Variants in HIBCH observed in about 807,000 individuals in gnomAD.
HIBCH encodes 3-hydroxyisobutyryl-CoA hydrolase, mitochondrial.
In HIBCH, 50 loss-of-function variants were observed where a neutral mutation model predicts 58.2. The ratio of observed to expected loss-of-function variants is 0.86; its 90% confidence interval spans 0.68 to 1.09. The LOEUF is 1.09. Ranked by LOEUF, HIBCH falls within the 50% of genes least tolerant of loss-of-function variation. The pLI, the probability that HIBCH is intolerant of heterozygous loss-of-function variation, is 0.00. For synonymous variants in HIBCH, 151 were observed against 146.9 expected (o/e 1.03, Z -0.20); for missense variants, 450 against 449.7 (o/e 1.00, Z -0.01).
rs920015119 is a variant in HIBCH at position 190,215,257 on chromosome 2, G to A, written c.892-2182C>T. On this transcript the variant is annotated intron_variant, in intron 11 of 13. Transcript: ENST00000359678. This position sits in a 1 kb window ranked among gnomAD's most constrained non-coding sequence, Gnocchi z 4.4. ...TTATAAGGGCAGCCATAACCATTTG[G>A]GAAAGACAGCGTCCTCCCAGGCAAG... 6.6e-6 allele frequency: 1 copy of A among 152,176 alleles called. No homozygotes were observed. The highest frequency in any genetic ancestry group is 1.5e-5 in the Non-Finnish European group (1 of 68,034). The allele number at this position is 152,176 out of a possible 1,614,324, so 9.4% of individuals were successfully genotyped here.
intron 11 of HIBCH, among the ~76,000 whole-genome samples, chr2:190,237,676 A>G (rs747299426): frequency 4.6e-5 from 7 of 152,062 alleles, no homozygotes; most frequent in Non-Finnish European, 1.0e-4. Flanking sequence ...ATTTATATAT[A>G]TATTTATATA....
intron 4 of HIBCH, among the ~76,000 whole-genome samples, chr2:190,291,949 AC>A (rs1687969017): frequency 1.3e-5 from 2 of 152,208 alleles, no homozygotes; most frequent in African/African-American, 4.8e-5. Context: ...AATGTTGTCT[AC>A]CAATTCTTAC....
chr2:190,275,928 T>C (rs1181052407), intron 6 of HIBCH, among the ~76,000 whole-genome samples: 1 of 152,202 alleles, frequency 6.6e-6, no homozygotes. Flanking sequence ...CCAAAACCAT[T>C]GCATCCAGAT....
At chr2:190,268,698 C>T (rs1687308602) in intron 6 of HIBCH, among the ~76,000 whole-genome samples, 1 of 152,212 alleles carries the variant, frequency 6.6e-6, no homozygotes, top group Admixed American at 6.5e-5. Context: ...GGAATCAGCA[C>T]TTGCTCCCAT....
At chr2:190,293,784 G>A (rs1000624399) in intron 4 of HIBCH, among the ~76,000 whole-genome samples, 1 of 151,458 alleles carries the variant, frequency 6.6e-6, no homozygotes, top group African/African-American at 2.4e-5. Context: ...GATACAAAAT[G>A]TAAAAAGTTT....
At chr2:190,293,067 C>T (rs1687996848) in intron 4 of HIBCH, among the ~76,000 whole-genome samples, 1 of 152,158 alleles carries the variant, frequency 6.6e-6, no homozygotes, top group South Asian at 2.1e-4. Context: ...TAAAATTAGG[C>T]CTATATGCAG....
intron 6 of HIBCH, among the ~76,000 whole-genome samples, chr2:190,275,674 C>T (rs1014837524): frequency 6.6e-6 from 1 of 152,098 alleles, no homozygotes; most frequent in Non-Finnish European, 1.5e-5. Flanking sequence ...TCAAAGATAT[C>T]AACAGTTTAC....
intron 11 of HIBCH, among the ~76,000 whole-genome samples, chr2:190,239,033 C>T (rs1041158656): frequency 6.6e-6 from 1 of 152,166 alleles, no homozygotes; most frequent in African/African-American, 2.4e-5. Context: ...GTCATGAAGT[C>T]TTTGCCCATG....
chr2:190,198,719 A>ACAATCAAT (rs10675848), intron 1 of HIBCH, among the ~76,000 whole-genome samples: 4 of 151,146 alleles, frequency 2.6e-5, no homozygotes, highest in Non-Finnish European at 4.4e-5. Context: ...AAACTAAGAT[A>ACAATCAAT]CAATCAGGGA....
At chr2:190,246,307 C>CT (rs1686607577) in intron 9 of HIBCH, 95 bp from the exon 10 acceptor site, 3 of 739,724 alleles carry the variant, frequency 4.1e-6, no homozygotes, top group Non-Finnish European at 6.9e-6. Context: ...AAGATTGTCA[C>CT]TTGTCACTTT....
Position 190,255,045 on chromosome 2 carries a change from A to G in HIBCH, c.518-2738T>C, listed in dbSNP as rs974589483. On this transcript the variant is annotated intron_variant, in intron 7 of 13. Transcript: ENST00000359678. ...TAGCTCTAGACTAATGTAATAACCT[A>G]TTATCCAATCTCACTGCTTCTACTC... Among the ~76,000 whole-genome samples, 8 of 152,228 alleles carry G rather than the reference A, an allele frequency of 5.3e-5. No individual in the cohort carries two copies. In the East Asian group the frequency reaches 7.7e-4, roughly 15 times the overall value.
chr2:190,313,794 G>A (rs548462078), intron 1 of HIBCH, among the ~76,000 whole-genome samples: 4 of 152,142 alleles, frequency 2.6e-5, no homozygotes, highest in East Asian at 1.9e-4. Context: ...TTCAAAGAAC[G>A]AAGCTGTCAT....
intron 4 of HIBCH, among the ~76,000 whole-genome samples, chr2:190,294,020 GTGTATATATA>G (rs370904365): frequency 0.026 from 3,240 of 125,704 alleles, 83 homozygotes; most frequent in African/African-American, 0.06. Context: ...TATATTTTGT[GTGTATATATA>G]TATATATATA....
intron 1 of HIBCH, among the ~76,000 whole-genome samples, chr2:190,316,461 T>C (rs544570897): frequency 6.6e-6 from 1 of 152,258 alleles, no homozygotes; most frequent in African/African-American, 2.4e-5. Context: ...CTGGATGGAA[T>C]GGTAGAGATT....
rs1233904352 is a variant in HIBCH, at chr2:190,279,510, G to A, written c.438+8076C>T. Among the ~76,000 whole-genome samples the A allele has an allele frequency of 2.0e-5, 3 of 152,164 alleles. No individual in the cohort carries two copies. Among genetic ancestry groups the A allele is most frequent in the Non-Finnish European group, 4.4e-5 (3 of 68,018 alleles). ...TATCTACTTCCAAGATACAGTGGTA[G>A]GACAGGTATAGGGTATACATTCCTG... On this transcript the variant is annotated intron_variant, in intron 6 of 13. Transcript: ENST00000359678. This position sits in a 1 kb window ranked among gnomAD's most constrained non-coding sequence, Gnocchi z 4.2.
At chr2:190,245,049 T>A (rs987716572) in intron 10 of HIBCH, 81 bp from the exon 11 acceptor site, 1 of 878,094 alleles carries the variant, frequency 1.1e-6, no homozygotes, top group Non-Finnish European at 1.9e-6. Context: ...AACATAGGCT[T>A]TCCCCCACCT....
chr2:190,290,970 CACTGT>C (rs1357994885), intron 4 of HIBCH, among the ~76,000 whole-genome samples: 1 of 152,058 alleles, frequency 6.6e-6, no homozygotes, highest in Non-Finnish European at 1.5e-5. Context: ...ATCATCACAC[CACTGT>C]ACTCTAGCCT....
intron 4 of HIBCH, among the ~76,000 whole-genome samples, chr2:190,291,827 T>C (rs977060116): frequency 6.6e-6 from 1 of 152,250 alleles, no homozygotes; most frequent in Non-Finnish European, 1.5e-5. Flanking sequence ...TTCTATATAC[T>C]GCAACTCATA....
At chr2:190,263,655 A>G (rs1050886028) in intron 6 of HIBCH, among the ~76,000 whole-genome samples, 10 of 152,186 alleles carry the variant, frequency 6.6e-5, no homozygotes, top group Non-Finnish European at 1.3e-4. Context: ...TGAATGTCTA[A>G]TAAGTATCTC....
Sources: allele counts gnomAD v4.1 joint callset (sites outside exome capture counted in the v4.1 genomes callset), GRCh38; gene constraint gnomAD v4.1.1; non-coding constraint Gnocchi (gnomAD v3.1); transcripts MANE v1.5; gene names NCBI Gene and HGNC (gene_info 2026-07-23, HGNC 2026-07-21).